The following ADARB2 variants were observed in gnomAD, a reference collection of about 807,000 sequenced individuals.
ADARB2 encodes the protein inactive double-stranded RNA-specific editase B2.
A neutral mutation model predicts 62.2 loss-of-function variants in ADARB2; 25 were observed. That is an observed-to-expected ratio of 0.40 (90% CI 0.29 to 0.56). ADARB2 has a LOEUF of 0.56. ADARB2 is among the 20% of genes least tolerant of loss of function. The pLI, the probability that ADARB2 is intolerant of heterozygous loss-of-function variation, is 0.43. For synonymous variants in ADARB2, 572 were observed against 500.8 expected, an observed-to-expected ratio of 1.14 and a Z score of -1.90; for missense variants, 1,071 against 1,077.4, an observed-to-expected ratio of 0.99 and a Z score of 0.08.
intron 6 of ADARB2, 65 bp downstream of exon 6, chr10:1,233,629 C>G (rs911806693): frequency 6.6e-7 from 1 of 1,515,040 alleles, no homozygotes; most frequent in Admixed American, 2.1e-5. Flanking sequence ...AAGCCCAGGA[C>G]AGAGTCCCAG....
In ADARB2 at chr10:1,269,715, G is replaced by A. The variant is rs7908677; in HGVS notation, c.1192+1240C>T. Among the ~76,000 whole-genome samples the A allele has an allele frequency of 4.3e-3, 656 of 152,322 alleles. 7 individuals are homozygous for A. The highest frequency in any genetic ancestry group is 0.015 in the African/African-American group (621 of 41,564). On this transcript the variant is annotated intron_variant, in intron 4 of 9. Transcript: ENST00000381312. Reference sequence around the variant, plus strand: ...TGAGACTGCTGTACCCTGAGTGGGGGCTGTGTCTCTTCCTCACAGCCCCGT... The same window carrying A: ...TGAGACTGCTGTACCCTGAGTGGGGACTGTGTCTCTTCCTCACAGCCCCGT...
chr10:1,327,931 A>ACAGCACCTCCTCACAGCT (rs1564258854), intron 3 of ADARB2, among the ~76,000 whole-genome samples: 1 of 55,872 alleles, frequency 1.8e-5, no homozygotes, highest in South Asian at 4.5e-4. Context: ...TCCTCACAGC[A>ACAGCACCTCCTCACAGCT]CAGCACCTCC....
intron 1 of ADARB2, among the ~76,000 whole-genome samples, chr10:1,724,680 A>G (rs535291322): frequency 1.0e-3 from 156 of 152,334 alleles, no homozygotes; most frequent in African/African-American, 3.4e-3. Flanking sequence ...ATAGAGCAAT[A>G]AAAGAAGAAC....
intron 3 of ADARB2, among the ~76,000 whole-genome samples, chr10:1,362,362 G>A (rs1241295922): frequency 6.6e-6 from 1 of 152,238 alleles, no homozygotes; most frequent in Non-Finnish European, 1.5e-5. Flanking sequence ...TCCTTGCTGT[G>A]TGGGTTTTGT....
Position 1,383,042 on chromosome 10 carries a change from G to T in ADARB2, c.101-3882C>A, listed in dbSNP as rs1353249059. On this transcript the variant is annotated intron_variant, in intron 1 of 9. Transcript: ENST00000381312. ...GGTCTGATGGCCGTTTTTAATGTAC[G>T]ACTTGTAAGTTCCAGGACACTTGCT... Among the ~76,000 whole-genome samples the T allele has an allele frequency of 2.0e-5, 3 of 152,156 alleles. No individual in the cohort carries two copies. The East Asian group carries it at 5.8e-4, about 29-fold the overall frequency.
chr10:1,353,504 A>G (rs1832164433), intron 3 of ADARB2, among the ~76,000 whole-genome samples: 1 of 152,090 alleles, frequency 6.6e-6, no homozygotes, highest in Non-Finnish European at 1.5e-5. Context: ...CTTTCTAGAC[A>G]GGTCCAGCAA....
chr10:1,278,180 A>G (rs571649559), intron 3 of ADARB2, among the ~76,000 whole-genome samples: 7 of 151,978 alleles, frequency 4.6e-5, no homozygotes, highest in African/African-American at 1.7e-4. Flanking sequence ...GAGTTTTGCC[A>G]TGTTGGTCAG....
Position 1,737,106 on chromosome 10 carries a change from G to T in ADARB2, c.45C>A (p.Ser15Arg). ...TCTTGGACTTGCATTTGAGTTGACT[G>T]CTCAGCCCTCCAGACCCTCTGCCGC... The part of the protein sequence containing the change: ...LGSGRGSGGL[S>R]SQLKCKSKRR... Residue 15 changes from serine (S) to arginine (R), a missense_variant, in exon 1 of 10, where the codon AGC becomes AGA. By Grantham distance (110) the Ser-to-Arg change is moderately radical. Coordinates refer to ENST00000381312, the MANE Select transcript of ADARB2 (RefSeq NM_018702.4). The T allele has an allele frequency of 6.2e-7, 1 of 1,611,258 alleles. No individual in the cohort carries two copies.
chr10:1,731,737 A>T (rs1416781908), intron 1 of ADARB2, among the ~76,000 whole-genome samples: 2 of 152,246 alleles, frequency 1.3e-5, no homozygotes, highest in Non-Finnish European at 2.9e-5. Context: ...TCTCGGCCAC[A>T]CACCAGGCAG....
chr10:1,321,290 A>G (rs535256667), intron 3 of ADARB2, among the ~76,000 whole-genome samples: 5 of 152,330 alleles, frequency 3.3e-5, no homozygotes, highest in African/African-American at 1.2e-4. Context: ...CTCATCCGGA[A>G]GATCCCTGCC....
Position 1,543,782 on chromosome 10 carries a change from G to C in ADARB2, c.101-164622C>G, listed in dbSNP as rs561292934. Among the ~76,000 whole-genome samples the C allele has an allele frequency of 3.0e-4, 45 of 152,282 alleles. No homozygotes were observed. The South Asian group carries it at 4.4e-3, about 15-fold the overall frequency. ...GCGTTCCTTCTTCTTCCCTGTGAAGGGGCAGCGCTGGGCCCGCTTATTAGT... is the reference window on the plus strand; with the variant it reads ...GCGTTCCTTCTTCTTCCCTGTGAAGCGGCAGCGCTGGGCCCGCTTATTAGT... On this transcript the variant is annotated intron_variant, in intron 1 of 9. Transcript: ENST00000381312.
intron 1 of ADARB2, among the ~76,000 whole-genome samples, chr10:1,540,222 C>T (rs976469655): frequency 5.3e-5 from 8 of 151,466 alleles, no homozygotes; most frequent in Admixed American, 4.0e-4. Flanking sequence ...AAGGGCAGCC[C>T]GTGGGTCCTG....
At chr10:1,391,538 G>A (rs888649912) in intron 1 of ADARB2, among the ~76,000 whole-genome samples, 1 of 152,166 alleles carries the variant, frequency 6.6e-6, no homozygotes, top group Non-Finnish European at 1.5e-5. Flanking sequence ...GAGGGACTGT[G>A]AAAAGATCAA....
chr10:1,683,914 C>T (rs2119119432), intron 1 of ADARB2, among the ~76,000 whole-genome samples: 1 of 152,328 alleles, frequency 6.6e-6, no homozygotes, highest in African/African-American at 2.4e-5. Flanking sequence ...GGAGACTGCA[C>T]CGAAAGGTGC....
At chr10:1,297,396 A>G (rs1340522418) in intron 3 of ADARB2, among the ~76,000 whole-genome samples, 1 of 152,206 alleles carries the variant, frequency 6.6e-6, no homozygotes, top group African/African-American at 2.4e-5. Flanking sequence ...TATTTTAAAA[A>G]TAGCCCAAAC....
chr10:1,530,760 C>T (rs1421352291), intron 1 of ADARB2, among the ~76,000 whole-genome samples: 1 of 152,248 alleles, frequency 6.6e-6, no homozygotes, highest in Non-Finnish European at 1.5e-5. Context: ...CTCCAGCTCA[C>T]TGAACTTGTT....
intron 1 of ADARB2, among the ~76,000 whole-genome samples, chr10:1,464,873 G>T (rs1218974345): frequency 6.6e-6 from 1 of 152,206 alleles, no homozygotes; most frequent in Non-Finnish European, 1.5e-5. Flanking sequence ...ACTCGGCGGA[G>T]GCCCCGGTGA....
At chr10:1,567,418 T>C (rs1832873207) in intron 1 of ADARB2, among the ~76,000 whole-genome samples, 1 of 152,210 alleles carries the variant, frequency 6.6e-6, no homozygotes, top group African/African-American at 2.4e-5. Context: ...CATGGGTCTC[T>C]GCACCTTGCC....
chr10:1,296,331 G>A (rs1177394662), intron 3 of ADARB2, among the ~76,000 whole-genome samples: 2 of 152,142 alleles, frequency 1.3e-5, no homozygotes, highest in Non-Finnish European at 2.9e-5. Context: ...AAATGTGAAG[G>A]CTCCAGGAAG....
Sources: allele counts gnomAD v4.1 joint callset (sites outside exome capture counted in the v4.1 genomes callset), GRCh38; gene constraint gnomAD v4.1.1; transcripts MANE v1.5; gene names NCBI Gene and HGNC (gene_info 2026-07-23, HGNC 2026-07-21).